RTTN: variants seen among roughly 807,000 people sequenced by gnomAD.
RTTN encodes the protein rotatin.
RTTN carries 182 observed loss-of-function variants against 269.2 expected under a neutral mutation model. That is an observed-to-expected ratio of 0.68 (90% confidence interval 0.60 to 0.76). The LOEUF (loss-of-function observed/expected upper bound fraction) is 0.76, where lower values mean the gene tolerates loss of function less well. Among genes scored for constraint, RTTN ranks in the 30% least tolerant of loss-of-function variants. The pLI is 0.00. For synonymous variants in RTTN, 1,006 were observed against 963.5 expected, an observed-to-expected ratio of 1.04 and a Z score of -0.82; for missense variants, 2,545 against 2,608.6, an observed-to-expected ratio of 0.98 and a Z score of 0.53.
chr18:70,056,819 T>G (rs1599312053), intron 37 of RTTN, among the ~76,000 whole-genome samples: 1 of 152,352 alleles, frequency 6.6e-6, no homozygotes, highest in East Asian at 1.9e-4. Flanking sequence ...GTCCCCTGCT[T>G]TAGTTTTTCT....
rs373632366 is a variant in RTTN at position 70,187,524 on chromosome 18, A to G, written c.1305+584T>C. On this transcript the variant is annotated intron_variant, in intron 10 of 48. Transcript: ENST00000640769. ...TCCCAATAGTGAAAACAAACAAAAA[A>G]AAATCTAACTGTATGCTGAATGGGT... is the stretch of plus-strand genomic sequence containing the variant. 1.2e-4 allele frequency among the ~76,000 whole-genome samples: 19 copies of G among 152,334 alleles called. No individual in the cohort carries two copies. The East Asian group carries it at 2.1e-3, about 17-fold the overall frequency.
At chr18:70,068,907 A>G (rs1483777878) in intron 34 of RTTN, among the ~76,000 whole-genome samples, 3 of 152,186 alleles carry the variant, frequency 2.0e-5, no homozygotes, top group Non-Finnish European at 2.9e-5. Flanking sequence ...TACTTTACAG[A>G]TATTACAAAA....
chr18:70,142,656 C>T (rs1171116151), intron 18 of RTTN, among the ~76,000 whole-genome samples: 1 of 152,202 alleles, frequency 6.6e-6, no homozygotes, highest in Admixed American at 6.5e-5. Flanking sequence ...TTCTCCACAA[C>T]CTCACCAGTA....
intron 25 of RTTN, among the ~76,000 whole-genome samples, chr18:70,127,204 T>A (rs1333459865): frequency 6.6e-6 from 1 of 152,220 alleles, no homozygotes; most frequent in Non-Finnish European, 1.5e-5. Flanking sequence ...ATTTATAACA[T>A]GGATAGAAAT....
chr18:70,033,366 A>T (rs899527388), intron 40 of RTTN, among the ~76,000 whole-genome samples: 1 of 152,218 alleles, frequency 6.6e-6, no homozygotes, highest in Non-Finnish European at 1.5e-5. Flanking sequence ...TAATACATAT[A>T]CCATCCACAC....
At chr18:70,162,028 A>G (rs1481212910) in intron 14 of RTTN, among the ~76,000 whole-genome samples, 1 of 152,150 alleles carries the variant, frequency 6.6e-6, no homozygotes, top group Non-Finnish European at 1.5e-5. Context: ...AAAAAAATAT[A>G]AATCTTTCTA....
chr18:70,112,928 C>T (rs1365205945), intron 27 of RTTN, among the ~76,000 whole-genome samples: 2 of 152,156 alleles, frequency 1.3e-5, no homozygotes. Context: ...TAAAACACTC[C>T]TCAGCAAATG....
At chr18:70,115,520 T>TAAA (rs66581269) in intron 26 of RTTN, among the ~76,000 whole-genome samples, 18 of 149,180 alleles carry the variant, frequency 1.2e-4, no homozygotes, top group African/African-American at 4.2e-4. Context: ...GGCACTGTGC[T>TAAA]AAAAAAAAAA....
intron 14 of RTTN, among the ~76,000 whole-genome samples, chr18:70,155,989 C>T (rs919643142): frequency 4.6e-5 from 7 of 152,122 alleles, no homozygotes; most frequent in East Asian, 1.9e-4. Flanking sequence ...GGATGTATGT[C>T]GCCTCAGGAC....
At position 70,145,815 on chromosome 18, in the gene RTTN, C is replaced by T. The variant is rs200462941; in HGVS notation, c.2310-32G>A. On this transcript the variant is annotated intron_variant, in intron 17 of 48. Transcript: ENST00000640769. ...ACACAAAGTACTTAAGTCGAACTTT[C>T]GTGATATGCAAATGTCTATTTTAAA... 4.5e-6 allele frequency: 7 copies of T among 1,546,030 alleles called. 1 individual carries two copies. Among genetic ancestry groups the T allele is most frequent in the Middle Eastern group, 3.4e-4 (2 of 5,800 alleles).
At chr18:70,174,373 T>C (rs1426687298) in intron 11 of RTTN, among the ~76,000 whole-genome samples, 1 of 152,114 alleles carries the variant, frequency 6.6e-6, no homozygotes, top group Non-Finnish European at 1.5e-5. Context: ...CGTGTACTAC[T>C]CTTTTTATCC....
At chr18:70,162,987 T>A (rs2060880187) in intron 14 of RTTN, among the ~76,000 whole-genome samples, 1 of 123,622 alleles carries the variant, frequency 8.1e-6, no homozygotes, top group Non-Finnish European at 1.7e-5. Context: ...AAAAACAGTA[T>A]AAGTGATAAT....
At chr18:70,062,327 T>C (rs770716349) in intron 35 of RTTN, among the ~76,000 whole-genome samples, 1 of 152,136 alleles carries the variant, frequency 6.6e-6, no homozygotes. Context: ...AGGGTCACTA[T>C]CCCACCCCTC....
intron 14 of RTTN, among the ~76,000 whole-genome samples, chr18:70,161,576 G>C (rs2060831710): frequency 6.6e-6 from 1 of 152,062 alleles, no homozygotes; most frequent in Non-Finnish European, 1.5e-5. Context: ...CTACAGAATG[G>C]GAGAAAATAT....
Position 70,057,806 on chromosome 18 carries a change from G to A in RTTN, c.4967C>T (p.Thr1656Ile), listed in dbSNP as rs1370599046. Reference protein sequence around the residue: ...CSIADATLIQTCVQELRALLP... With the variant: ...CSIADATLIQICVQELRALLP... ...CAGGGCTCTGAGTTCCTGGACACAT[G>A]TCTGTATGAGGGTAGCATCTGCAAT... Residue 1656 changes from threonine (T) to isoleucine (I), a missense_variant, in exon 37 of 49, where the codon ACA (threonine) becomes ATA (isoleucine). Thr to Ile is a moderately conservative substitution (Grantham distance 89). Coordinates refer to ENST00000640769, the MANE Select transcript of RTTN (RefSeq NM_173630.4). 1.2e-6 allele frequency: 2 copies of A among 1,613,712 alleles called. No individual in the cohort carries two copies. The highest frequency in any genetic ancestry group is 3.3e-5 in the Admixed American group (2 of 60,014).
chr18:70,150,494 G>T, intron 15 of RTTN, 114 bp downstream of exon 15: 1 of 936,616 alleles, frequency 1.1e-6, no homozygotes, highest in Non-Finnish European at 1.7e-6. Context: ...ATGCACCAAA[G>T]ACAGGTTTCT....
chr18:70,142,417 A>C (rs957935467), intron 18 of RTTN, 30 bp from the exon 19 acceptor site: 1 of 1,184,496 alleles, frequency 8.4e-7, no homozygotes, highest in Non-Finnish European at 1.2e-6. Flanking sequence ...AAAAACCAAA[A>C]TTACATTTAT....
intron 46 of RTTN, among the ~76,000 whole-genome samples, chr18:70,014,146 T>G (rs1168677307): frequency 6.6e-6 from 1 of 152,248 alleles, no homozygotes; most frequent in Non-Finnish European, 1.5e-5. Context: ...ACTAGCCACA[T>G]GTAGTGAGTA....
In RTTN at chr18:70,190,602, C is replaced by A. The variant is rs1213911627; in HGVS notation, c.1125G>T (p.Gln375His). 1 of 1,613,906 alleles carries A rather than the reference C, an allele frequency of 6.2e-7. No individual in the cohort carries two copies. Among genetic ancestry groups the A allele is most frequent in the Admixed American group, 1.7e-5 (1 of 60,028 alleles). Residue 375 changes from glutamine (Q) to histidine (H), a missense_variant, in exon 9 of 49, where the codon CAG becomes CAT. Coordinates refer to ENST00000640769, the MANE Select transcript of RTTN (RefSeq NM_173630.4). ...CACAAAACTGGGGAAGACTGAGCTG[C>A]TGGAATTGTAGTTCCAATGTGTCTT... ...ETEDTLELQF[Q>H]QLSLPQFCVS...
Sources: gnomAD v4.1 joint callset for allele counts (sites outside exome capture counted in the v4.1 genomes callset) on GRCh38, gnomAD v4.1.1 for gene constraint, MANE v1.5 for transcripts, NCBI Gene and HGNC (gene_info 2026-07-23, HGNC 2026-07-21) for gene names.